HIVEP3: variants seen among roughly 807,000 people sequenced by gnomAD.
The protein encoded by HIVEP3 is transcription factor HIVEP3.
Under a neutral mutation model 152.8 loss-of-function variants are expected in HIVEP3, and 49 were observed. The observed-to-expected ratio is 0.32, with a 90% confidence interval of 0.26 to 0.41. The LOEUF (loss-of-function observed/expected upper bound fraction) is 0.41. HIVEP3 is among the 10% of genes least tolerant of loss of function. The probability of loss-of-function intolerance (pLI) is 1.00; values close to 1 mark genes in which losing one functional copy is unlikely to be tolerated. For missense variants in HIVEP3, 2,790 were observed against 3,103.3 expected (o/e 0.90, Z 2.40); for synonymous variants, 1,269 against 1,289.0 (o/e 0.98, Z 0.33).
rs558740711 is a variant in HIVEP3, at chr1:41,876,837, T to C, written c.-801+41576A>G. Among the ~76,000 whole-genome samples, 18 of 152,362 alleles carry C rather than the reference T, an allele frequency of 1.2e-4. No homozygotes were observed. In the South Asian group the frequency reaches 3.5e-3, roughly 30 times the overall value. On this transcript the variant is annotated intron_variant, in intron 1 of 8. Coordinates refer to ENST00000372583, the MANE Select transcript of HIVEP3 (RefSeq NM_024503.5). ...CTACAATATGTTACATCTTGTCTACTTTCTAACTGGGTTTTTTGAGATGAG... is the reference window on the plus strand; with the variant it reads ...CTACAATATGTTACATCTTGTCTACCTTCTAACTGGGTTTTTTGAGATGAG...
intron 1 of HIVEP3, among the ~76,000 whole-genome samples, chr1:41,795,827 T>C (rs1230221221): frequency 6.6e-6 from 1 of 152,212 alleles, no homozygotes; most frequent in East Asian, 1.9e-4. Flanking sequence ...TTGTTTTTTG[T>C]TTTTAAACAC....
intron 1 of HIVEP3, among the ~76,000 whole-genome samples, chr1:41,964,459 C>A (rs1425108078): frequency 3.3e-5 from 5 of 152,248 alleles, no homozygotes; most frequent in African/African-American, 1.2e-4. Flanking sequence ...TTGGGTCCCA[C>A]ACACAGAGCT....
chr1:41,542,141 A>T (rs1643544957), intron 5 of HIVEP3: 1 of 152,396 alleles, frequency 6.6e-6, no homozygotes, highest in African/African-American at 2.4e-5. Flanking sequence ...TAGGTTCAGA[A>T]GCCTGGAGAT....
chr1:41,586,742 G>A (rs542917516), intron 3 of HIVEP3, among the ~76,000 whole-genome samples: 31 of 152,298 alleles, frequency 2.0e-4, no homozygotes, highest in Middle Eastern at 3.4e-3. Flanking sequence ...ATATGCTTTG[G>A]AGGAGCAGGT....
At chr1:41,739,005 C>T (rs185510948) in intron 1 of HIVEP3, among the ~76,000 whole-genome samples, 58 of 152,352 alleles carry the variant, frequency 3.8e-4, no homozygotes, top group South Asian at 2.1e-3. Flanking sequence ...AGATATTGTG[C>T]TTGGAATCAT....
intron 1 of HIVEP3, among the ~76,000 whole-genome samples, chr1:41,739,568 T>C (rs1465181147): frequency 6.6e-6 from 1 of 151,750 alleles, no homozygotes; most frequent in South Asian, 2.1e-4. Flanking sequence ...AGAGAAAAAA[T>C]TGGGGTTGCC....
At chr1:41,951,268 G>T (rs1307097323) in intron 1 of HIVEP3, among the ~76,000 whole-genome samples, 1 of 152,242 alleles carries the variant, frequency 6.6e-6, no homozygotes, top group Non-Finnish European at 1.5e-5. Flanking sequence ...AACTCATGGT[G>T]ATAGAGTTCA....
rs180838151 is a variant in HIVEP3, at chr1:41,894,065, C to T, written c.-801+24348G>A. Among the ~76,000 whole-genome samples, 386 of 151,982 alleles carry T rather than the reference C, an allele frequency of 2.5e-3. 1 individual carries two copies. The highest frequency in any genetic ancestry group is 8.7e-3 in the African/African-American group (360 of 41,434). ...CCTCCTGAGTAGCTAGGATTACAGA[C>T]ACTCGCCACCACACCAAGTGCAGGG... On this transcript the variant is annotated intron_variant, in intron 1 of 8. Coordinates refer to ENST00000372583, the MANE Select transcript of HIVEP3 (RefSeq NM_024503.5).
chr1:41,941,096 T>C (rs1224876219), intron 1 of HIVEP3, among the ~76,000 whole-genome samples: 7 of 152,072 alleles, frequency 4.6e-5, no homozygotes, highest in Non-Finnish European at 1.0e-4. Context: ...ACAGTTTCCA[T>C]GGTGTGGTGA....
At chr1:41,839,973 G>T (rs1047226218) in intron 1 of HIVEP3, among the ~76,000 whole-genome samples, 1 of 152,138 alleles carries the variant, frequency 6.6e-6, no homozygotes, top group Non-Finnish European at 1.5e-5. Context: ...TTAAAACCCA[G>T]GTCCTTAGCC....
chr1:41,981,757 G>A (rs1645295325), intron 1 of HIVEP3, among the ~76,000 whole-genome samples: 1 of 152,096 alleles, frequency 6.6e-6, no homozygotes, highest in African/African-American at 2.4e-5. Context: ...CATCATTCTG[G>A]GACTTTCTGT....
intron 1 of HIVEP3, among the ~76,000 whole-genome samples, chr1:41,727,831 T>C (rs1570409088): frequency 6.6e-6 from 1 of 152,318 alleles, no homozygotes; most frequent in East Asian, 1.9e-4. Context: ...GGACATTTAT[T>C]AGACCTCTCT....
intron 1 of HIVEP3, among the ~76,000 whole-genome samples, chr1:41,942,020 C>T (rs1645048548): frequency 6.6e-6 from 1 of 152,074 alleles, no homozygotes; most frequent in African/African-American, 2.4e-5. Context: ...AAAATTAAAA[C>T]CTCAAAAATA....
chr1:41,802,144 A>T (rs1326120704), intron 1 of HIVEP3, among the ~76,000 whole-genome samples: 1 of 152,266 alleles, frequency 6.6e-6, no homozygotes, highest in Non-Finnish European at 1.5e-5. Flanking sequence ...TTGGAAAAGC[A>T]GTAGACTAGA....
At chr1:41,705,451 G>A (rs1256434522) in intron 1 of HIVEP3, among the ~76,000 whole-genome samples, 1 of 152,172 alleles carries the variant, frequency 6.6e-6, no homozygotes, top group Non-Finnish European at 1.5e-5. Flanking sequence ...CTTGACCCCA[G>A]GATGACAGAC....
chr1:41,684,683 A>G (rs549470846), intron 2 of HIVEP3, among the ~76,000 whole-genome samples: 46 of 152,346 alleles, frequency 3.0e-4, no homozygotes, highest in Non-Finnish European at 3.4e-4. Flanking sequence ...ATTACATGCA[A>G]CAGTATCTAC....
At chr1:41,526,569 T>TA (rs1642930076) in intron 5 of HIVEP3, among the ~76,000 whole-genome samples, 1 of 30,402 alleles carries the variant, frequency 3.3e-5, no homozygotes, top group Admixed American at 4.0e-4. Context: ...TCACACACCC[T>TA]CACACATACA....
At chr1:41,769,166 T>C (rs1648194077) in intron 1 of HIVEP3, among the ~76,000 whole-genome samples, 1 of 152,206 alleles carries the variant, frequency 6.6e-6, no homozygotes, top group Non-Finnish European at 1.5e-5. Context: ...TCAGGTACCT[T>C]GGACACTAAA....
At position 41,872,347 on chromosome 1, in the gene HIVEP3, T is replaced by C. The variant is rs115071903; in HGVS notation, c.-801+46066A>G. On this transcript the variant is annotated intron_variant, in intron 1 of 8. Transcript: ENST00000372583. ...CCTTATTTGAACACAGTTTGAACAC[T>C]TAGCAGTTTATAAATGGTTGAAGTA... Among the ~76,000 whole-genome samples, 751 of 152,256 alleles carry C rather than the reference T, an allele frequency of 4.9e-3. 6 individuals are homozygous for C. Among genetic ancestry groups the C allele is most frequent in the African/African-American group, 0.017 (726 of 41,520 alleles).
Sources: allele counts gnomAD v4.1 joint callset (sites outside exome capture counted in the v4.1 genomes callset), GRCh38; gene constraint gnomAD v4.1.1; transcripts MANE v1.5; gene names NCBI Gene and HGNC (gene_info 2026-07-23, HGNC 2026-07-21).